Variants in PTPRK observed in about 807,000 individuals in gnomAD.
PTPRK encodes receptor-type tyrosine-protein phosphatase kappa.
A neutral mutation model predicts 178.0 loss-of-function variants in PTPRK; 75 were observed. That is an observed-to-expected ratio of 0.42 (90% CI 0.35 to 0.51). The LOEUF (loss-of-function observed/expected upper bound fraction) is 0.51. Among genes scored for constraint, PTPRK ranks in the 20% least tolerant of loss-of-function variants. PTPRK has a pLI of 0.02. For missense variants in PTPRK, 1,441 were observed against 1,797.8 expected, an observed-to-expected ratio of 0.80 and a Z score of 3.59; for synonymous variants, 637 against 620.6, an observed-to-expected ratio of 1.03 and a Z score of -0.39.
intron 13 of PTPRK, among the ~76,000 whole-genome samples, chr6:128,017,802 GTATATATATATATATATA>G (rs34836605): frequency 6.9e-5 from 7 of 101,260 alleles, no homozygotes; most frequent in East Asian, 6.1e-4. Flanking sequence ...ATATATATGT[GTATATATATATATATATA>G]TATATATATA....
intron 5 of PTPRK, among the ~76,000 whole-genome samples, chr6:128,223,109 T>C (rs1810700748): frequency 6.6e-6 from 1 of 152,152 alleles, no homozygotes; most frequent in East Asian, 1.9e-4. Context: ...TTTTCATCTG[T>C]TTGTATACTG....
chr6:128,311,469 C>T (rs568420986), intron 3 of PTPRK, among the ~76,000 whole-genome samples: 1 of 152,118 alleles, frequency 6.6e-6, no homozygotes, highest in East Asian at 1.9e-4. Context: ...TAAGGTACAA[C>T]TTTTTCAACA....
chr6:127,983,192 C>G, intron 23 of PTPRK, 50 bp downstream of exon 23: 1 of 1,459,098 alleles, frequency 6.9e-7, no homozygotes, highest in Non-Finnish European at 9.1e-7. Flanking sequence ...TCTTTGTTTG[C>G]AAAAAAAATA....
intron 7 of PTPRK, among the ~76,000 whole-genome samples, chr6:128,144,430 A>G (rs1050955578): frequency 6.6e-6 from 1 of 152,166 alleles, no homozygotes; most frequent in African/African-American, 2.4e-5. Flanking sequence ...AATATTGCCC[A>G]TGGCAGGTCT....
At chr6:128,013,798 G>A (rs1200546569) in intron 13 of PTPRK, among the ~76,000 whole-genome samples, 2 of 151,456 alleles carry the variant, frequency 1.3e-5, no homozygotes, top group African/African-American at 4.8e-5. Context: ...ATTCAGATCA[G>A]TATCCTCTCA....
intron 2 of PTPRK, among the ~76,000 whole-genome samples, chr6:128,395,368 T>G (rs1158014036): frequency 6.6e-6 from 1 of 152,206 alleles, no homozygotes; most frequent in Non-Finnish European, 1.5e-5. Flanking sequence ...AATGCTTTCA[T>G]TTTCTGTGCA....
chr6:128,001,297 G>T, intron 15 of PTPRK: 3 of 923,444 alleles, frequency 3.2e-6, no homozygotes, highest in Non-Finnish European at 3.2e-6. Flanking sequence ...GTAAGTATTA[G>T]CATTAAGCAA....
intron 25 of PTPRK, among the ~76,000 whole-genome samples, chr6:127,978,082 C>T (rs907475374): frequency 3.9e-5 from 6 of 152,148 alleles, no homozygotes; most frequent in African/African-American, 9.7e-5. Context: ...TGGCATTCAG[C>T]GTTGGCTGAA....
intron 1 of PTPRK, among the ~76,000 whole-genome samples, chr6:128,499,532 C>A (rs149825205): frequency 6.6e-6 from 1 of 152,164 alleles, no homozygotes; most frequent in Non-Finnish European, 1.5e-5. Context: ...TACCAAATTA[C>A]GCAAACTCTA....
chr6:128,276,564 G>C (rs1232624325), intron 3 of PTPRK, among the ~76,000 whole-genome samples: 2 of 152,092 alleles, frequency 1.3e-5, no homozygotes, highest in African/African-American at 2.4e-5. Flanking sequence ...TTATTAGAGA[G>C]CCATAAACTG....
rs114130271 is a variant in PTPRK at position 128,287,296 on chromosome 6, C to T, written c.495+34743G>A. 5.9e-3 allele frequency among the ~76,000 whole-genome samples: 901 copies of T among 152,300 alleles called. 11 individuals carry two copies. The highest frequency in any genetic ancestry group is 0.021 in the African/African-American group (861 of 41,564). On this transcript the variant is annotated intron_variant, in intron 3 of 29. Transcript: ENST00000368226. ...CTATCAGGAATAGCAGTACTGTCTT[C>T]CCTGAAGACCATGTCCGAAAACTCT... is the stretch of plus-strand genomic sequence containing the variant.
chr6:128,198,109 A>T (rs1194850509), intron 6 of PTPRK, among the ~76,000 whole-genome samples: 1 of 152,162 alleles, frequency 6.6e-6, no homozygotes, highest in Non-Finnish European at 1.5e-5. Flanking sequence ...TGATCTATAC[A>T]TATCACCCAA....
In PTPRK at chr6:128,321,673, G is replaced by C. The variant is rs150396595; in HGVS notation, c.495+366C>G. 1,033 of 630,262 alleles carry C rather than the reference G, an allele frequency of 1.6e-3. 6 individuals are homozygous for C. In the African/African-American group the frequency reaches 0.018, roughly 11 times the overall value. The allele number at this position is 630,262 out of a possible 1,614,324, so 39.0% of individuals were successfully genotyped here. A position where few individuals can be genotyped will look rare whatever the true frequency, so the allele number is the denominator to read the frequency against. On this transcript the variant is annotated intron_variant, in intron 3 of 29. Coordinates refer to ENST00000368226, the MANE Select transcript of PTPRK (RefSeq NM_002844.4). ...CTGAAGATTACAATAAACTCAAAAA[G>C]GCTATTTCTTCCTGAACAAAGCTGT...
At position 127,969,899 on chromosome 6, in the gene PTPRK, A is replaced by C. The variant is rs1181306555; in HGVS notation, c.*328T>G. Reference sequence around the variant, plus strand: ...CGTAGAAAGTATGAACTCATGCAACATGTGGTAGCTGCTCTACTGAAACCA... The same window carrying C: ...CGTAGAAAGTATGAACTCATGCAACCTGTGGTAGCTGCTCTACTGAAACCA... On this transcript the variant is annotated 3_prime_UTR_variant, in exon 30 of 30. Coordinates refer to ENST00000368226, the MANE Select transcript of PTPRK (RefSeq NM_002844.4). The C allele has an allele frequency of 1.5e-5, 3 of 196,800 alleles. No individual in the cohort carries two copies. The highest frequency in any genetic ancestry group is 3.1e-5 in the Non-Finnish European group (3 of 98,128). 12.2% of individuals were successfully genotyped at this position (196,800 alleles called of 1,614,324 possible).
rs564966504 is a variant in PTPRK at position 128,368,920 on chromosome 6, AAAAAC to A, written c.223+28641_223+28645del. On this transcript the variant is annotated intron_variant, in intron 2 of 29. Coordinates refer to ENST00000368226, the MANE Select transcript of PTPRK (RefSeq NM_002844.4). Reference sequence around the variant, plus strand: ...GAATAAAACTCTTCACTCTATTTAAAAAAACAAAACAAAACAAAAAACAAACAAAC... The same window carrying A: ...GAATAAAACTCTTCACTCTATTTAAAAAAACAAAACAAAAAACAAACAAAC... Among the ~76,000 whole-genome samples, 1,199 of 151,582 alleles carry A rather than the reference AAAAAC, an allele frequency of 7.9e-3. 8 individuals carry two copies. The highest frequency in any genetic ancestry group is 0.014 in the Non-Finnish European group (931 of 67,768).
intron 3 of PTPRK, among the ~76,000 whole-genome samples, chr6:128,245,075 C>G (rs1815207551): frequency 1.3e-5 from 2 of 152,174 alleles, no homozygotes; most frequent in Admixed American, 1.3e-4. Context: ...GCTACAGTCA[C>G]ACACATACAC....
intron 3 of PTPRK, among the ~76,000 whole-genome samples, chr6:128,304,267 A>C (rs1826056898): frequency 6.6e-6 from 1 of 152,184 alleles, no homozygotes; most frequent in South Asian, 2.1e-4. Flanking sequence ...CAAATTAACA[A>C]GTTTTCTTTA....
At chr6:128,007,363 A>T (rs1227535772) in intron 14 of PTPRK, among the ~76,000 whole-genome samples, 1 of 150,918 alleles carries the variant, frequency 6.6e-6, no homozygotes, top group Non-Finnish European at 1.5e-5. Flanking sequence ...GGTGATGGTG[A>T]GGAACAGAAG....
chr6:128,465,924 C>G (rs765822500), intron 1 of PTPRK, among the ~76,000 whole-genome samples: 1 of 152,030 alleles, frequency 6.6e-6, no homozygotes, highest in East Asian at 1.9e-4. Flanking sequence ...AGCTCTCGGC[C>G]CATTGTCTCA....
Sources: gnomAD v4.1 joint callset for allele counts (sites outside exome capture counted in the v4.1 genomes callset) on GRCh38, gnomAD v4.1.1 for gene constraint, MANE v1.5 for transcripts, NCBI Gene and HGNC (gene_info 2026-07-23, HGNC 2026-07-21) for gene names.